The following DNM3 variants were observed in gnomAD, a reference collection of about 807,000 sequenced individuals.
DNM3 encodes dynamin-3.
In DNM3, 47 loss-of-function variants were observed where a neutral mutation model predicts 101.6. The ratio of observed to expected loss-of-function variants is 0.46; its 90% CI spans 0.37 to 0.59. DNM3 has a LOEUF of 0.59. Among genes scored for constraint, DNM3 ranks in the 20% least tolerant of loss-of-function variants. DNM3 has a pLI of 0.00. For synonymous variants in DNM3, 385 were observed against 387.9 expected (o/e 0.99, Z 0.09); for missense variants, 849 against 1,085.7 (o/e 0.78, Z 3.06).
intron 2 of DNM3, among the ~76,000 whole-genome samples, chr1:171,978,345 A>G (rs892310534): frequency 6.6e-6 from 1 of 152,216 alleles, no homozygotes; most frequent in East Asian, 1.9e-4. Context: ...GGATGAGGAA[A>G]TGACAGGAAG....
At chr1:172,185,716 C>G (rs2059498795) in intron 14 of DNM3, among the ~76,000 whole-genome samples, 1 of 152,144 alleles carries the variant, frequency 6.6e-6, no homozygotes, top group Admixed American at 6.6e-5. Flanking sequence ...ATTGCAAACA[C>G]TGCTTCATAG....
intron 17 of DNM3, among the ~76,000 whole-genome samples, chr1:172,355,538 A>G (rs942287384): frequency 6.6e-6 from 1 of 152,136 alleles, no homozygotes; most frequent in Admixed American, 6.6e-5. Flanking sequence ...GCTGTCCAGG[A>G]TGGGGGAAAG....
chr1:172,055,083 C>A (rs996224833), intron 10 of DNM3, among the ~76,000 whole-genome samples: 1 of 151,642 alleles, frequency 6.6e-6, no homozygotes, highest in Non-Finnish European at 1.5e-5. Flanking sequence ...TCTGAATACA[C>A]ATAACTAAAC....
intron 16 of DNM3, among the ~76,000 whole-genome samples, chr1:172,314,078 A>G (rs181991878): frequency 2.0e-5 from 3 of 152,186 alleles, no homozygotes; most frequent in Non-Finnish European, 4.4e-5. Context: ...AACCAGAAAT[A>G]CTGTTTGACT....
rs774250406 is a variant in DNM3 at position 171,922,146 on chromosome 1, TGTGTGTGTGC to T, written c.235+328_235+337del. On this transcript the variant is annotated intron_variant, in intron 2 of 20. Transcript: ENST00000627582. ...CTTTGTGTGTGTGTGTGTGTGTGTG[TGTGTGTGTGC>T]GTATGTGTGCATGCACATGCACTTG... 3.2e-3 allele frequency among the ~76,000 whole-genome samples: 426 copies of T among 134,050 alleles called. 1 individual carries two copies. The highest frequency in any genetic ancestry group is 4.3e-3 in the African/African-American group (153 of 35,210). The allele number at this position is 134,050 out of a possible 152,430, so 87.9% of individuals were successfully genotyped here. A position where few individuals can be genotyped will look rare whatever the true frequency, so the allele number is the denominator to read the frequency against.
chr1:172,293,729 A>G (rs2064028462), intron 15 of DNM3, among the ~76,000 whole-genome samples: 1 of 152,178 alleles, frequency 6.6e-6, no homozygotes, highest in African/African-American at 2.4e-5. Context: ...GAAGCAGCCA[A>G]AGCCACCAGA....
intron 15 of DNM3, among the ~76,000 whole-genome samples, chr1:172,308,294 A>G (rs1437782442): frequency 6.6e-6 from 1 of 152,098 alleles, no homozygotes; most frequent in African/African-American, 2.4e-5. Context: ...TGCATCTGGC[A>G]TTGTCTTTTA....
intron 16 of DNM3, among the ~76,000 whole-genome samples, chr1:172,314,276 A>C (rs1481036856): frequency 6.6e-6 from 1 of 152,228 alleles, no homozygotes; most frequent in African/African-American, 2.4e-5. Context: ...CCGAATAGGA[A>C]CAGCTCCGGT....
chr1:172,411,851 G>C lies in DNM3; in HGVS notation c.*4010G>C, dbSNP rs942211944. 10 of 985,610 alleles carry C rather than the reference G, an allele frequency of 1.0e-5. No homozygotes were observed. The East Asian group carries it at 7.9e-4, about 78-fold the overall frequency. 61.1% of individuals were successfully genotyped at this position (985,610 alleles called of 1,614,324 possible). A position where few individuals can be genotyped will look rare whatever the true frequency, so the allele number is the denominator to read the frequency against. On this transcript the variant is annotated 3_prime_UTR_variant, in exon 21 of 21. Coordinates refer to ENST00000627582, the MANE Select transcript of DNM3 (RefSeq NM_015569.5). The stretch of plus-strand genomic sequence containing the variant: ...TGTGAGCTCAGAGTTTAATGTAAAT[G>C]AATCTAGATGATTTTGAAGAAATGA...
At chr1:172,116,618 C>A (rs1279484946) in intron 13 of DNM3, among the ~76,000 whole-genome samples, 10 of 152,174 alleles carry the variant, frequency 6.6e-5, no homozygotes, top group Non-Finnish European at 1.5e-5. Flanking sequence ...CACCTCAGCT[C>A]TATGAACCAA....
chr1:172,277,999 G>A (rs2063350510), intron 15 of DNM3, among the ~76,000 whole-genome samples: 1 of 152,102 alleles, frequency 6.6e-6, no homozygotes, highest in South Asian at 2.1e-4. Flanking sequence ...ATCTCTGAAA[G>A]CATCTCTCAG....
At chr1:172,153,617 TCCAGCC>T (rs2058226782) in intron 14 of DNM3, among the ~76,000 whole-genome samples, 1 of 152,148 alleles carries the variant, frequency 6.6e-6, no homozygotes, top group South Asian at 2.1e-4. Flanking sequence ...TCCTCTTCTC[TCCAGCC>T]CCTATTCGTC....
intron 16 of DNM3, among the ~76,000 whole-genome samples, chr1:172,318,255 C>T (rs1446889932): frequency 6.6e-6 from 1 of 151,950 alleles, no homozygotes; most frequent in African/African-American, 2.4e-5. Flanking sequence ...TAAGAGCTAT[C>T]TATGACAAAC....
Position 172,230,415 on chromosome 1 carries a change from TG to T in DNM3, c.1660-23157del, listed in dbSNP as rs768494150. Among the ~76,000 whole-genome samples the T allele has an allele frequency of 1.1e-4, 16 of 152,190 alleles. 1 individual carries two copies. Among genetic ancestry groups the T allele is most frequent in the Non-Finnish European group, 1.6e-4 (11 of 68,026 alleles). On this transcript the variant is annotated intron_variant, in intron 14 of 20. Transcript: ENST00000627582. ...CTACCTCCTTACAATATGTATGTTT[TG>T]TAAAAGTTTGCATATTTTTGTAGGG...
At chr1:172,364,107 C>T (rs1240791971) in intron 17 of DNM3, among the ~76,000 whole-genome samples, 9 of 151,952 alleles carry the variant, frequency 5.9e-5, no homozygotes, top group Non-Finnish European at 8.8e-5. Context: ...ACAGGGTAAA[C>T]TTCTTAGGTG....
intron 15 of DNM3, among the ~76,000 whole-genome samples, chr1:172,275,397 T>C (rs1399631627): frequency 6.6e-6 from 1 of 152,040 alleles, no homozygotes; most frequent in Non-Finnish European, 1.5e-5. Flanking sequence ...TCTTCTACAA[T>C]CTGGAAAATA....
chr1:172,304,578 A>G (rs1309426824), intron 15 of DNM3, among the ~76,000 whole-genome samples: 3 of 152,204 alleles, frequency 2.0e-5, no homozygotes, highest in Non-Finnish European at 4.4e-5. Flanking sequence ...AAGAGAATAC[A>G]CATTCTTCTC....
At chr1:172,304,141 C>G (rs2064633542) in intron 15 of DNM3, among the ~76,000 whole-genome samples, 1 of 146,242 alleles carries the variant, frequency 6.8e-6, no homozygotes, top group Non-Finnish European at 1.5e-5. Context: ...ACCCATCTCA[C>G]ATGCAGAGAC....
At chr1:172,357,388 C>T (rs74534302) in intron 17 of DNM3, among the ~76,000 whole-genome samples, 2,183 of 152,124 alleles carry the variant, frequency 0.014, 18 homozygotes, top group Non-Finnish European at 0.022. Context: ...TGAGACAGAT[C>T]GACATCACAT....
Sources: gnomAD v4.1 joint callset for allele counts (sites outside exome capture counted in the v4.1 genomes callset) on GRCh38, gnomAD v4.1.1 for gene constraint, MANE v1.5 for transcripts, NCBI Gene and HGNC (gene_info 2026-07-23, HGNC 2026-07-21) for gene names.